Variants in STK24 observed in about 807,000 individuals in gnomAD.
STK24 encodes the protein serine/threonine-protein kinase 24.
In STK24, 21 loss-of-function variants were observed where a neutral mutation model predicts 55.6. The observed-to-expected ratio is 0.38, with a 90% CI of 0.27 to 0.54. STK24 has a LOEUF of 0.54. Among genes scored for constraint, STK24 ranks in the 20% least tolerant of loss-of-function variants. The pLI, the probability that STK24 is intolerant of heterozygous loss-of-function variation, is 0.79. For synonymous variants in STK24, 200 were observed against 215.2 expected (o/e 0.93, Z 0.62); for missense variants, 383 against 538.4 (o/e 0.71, Z 2.86).
chr13:98,535,366 AAAAAAT>A (rs761556225), intron 1 of STK24, among the ~76,000 whole-genome samples: 77 of 39,416 alleles, frequency 2.0e-3, no homozygotes, highest in African/African-American at 3.5e-3. Context: ...ACAAACAAAA[AAAAAAT>A]ATATATATAT....
chr13:98,547,141 T>A (rs1333755260), intron 1 of STK24, among the ~76,000 whole-genome samples: 6 of 152,174 alleles, frequency 3.9e-5, no homozygotes, highest in Non-Finnish European at 8.8e-5. Context: ...CTCGATCTCC[T>A]GACCTCGTGA....
intron 1 of STK24, among the ~76,000 whole-genome samples, chr13:98,531,368 C>G (rs1896575325): frequency 1.3e-5 from 2 of 152,140 alleles, no homozygotes; most frequent in South Asian, 4.2e-4. Context: ...ACCAAGTGCT[C>G]TTTTGTGGGC....
At chr13:98,517,668 C>T (rs75375748) in intron 2 of STK24, among the ~76,000 whole-genome samples, 8 of 152,108 alleles carry the variant, frequency 5.3e-5, no homozygotes, top group African/African-American at 1.9e-4. Flanking sequence ...TGCTGGCATT[C>T]CCCCACGGAA....
rs1892756293 is a variant in STK24, at chr13:98,445,327, C to T, written c.*7846G>A. Reference sequence around the variant, plus strand: ...CTTTGAGTCTCTGCTGGTGATGTCACTTTGGCAAAGGGACGAAATGAGCCA... The same window carrying T: ...CTTTGAGTCTCTGCTGGTGATGTCATTTTGGCAAAGGGACGAAATGAGCCA... On this transcript the variant is annotated 3_prime_UTR_variant, in exon 11 of 11. Coordinates refer to ENST00000539966, the MANE Select transcript of STK24 (RefSeq NM_001032296.4). 6.6e-6 allele frequency: 1 copy of T among 152,304 alleles called. No individual in the cohort carries two copies. The highest frequency in any genetic ancestry group is 1.5e-5 in the Non-Finnish European group (1 of 68,070). 9.4% of individuals were successfully genotyped at this position (152,304 alleles called of 1,614,324 possible).
At chr13:98,495,609 T>A (rs1384702825) in intron 2 of STK24, among the ~76,000 whole-genome samples, 3 of 152,222 alleles carry the variant, frequency 2.0e-5, no homozygotes, top group Non-Finnish European at 4.4e-5. Flanking sequence ...AAACATAAAA[T>A]GAAGCTGCCA....
At chr13:98,558,510 C>T (rs937331175) in intron 1 of STK24, among the ~76,000 whole-genome samples, 1 of 152,182 alleles carries the variant, frequency 6.6e-6, no homozygotes, top group Admixed American at 6.5e-5. Flanking sequence ...AAAGACCAAC[C>T]TAAACTAACT....
chr13:98,446,704 C>T lies in STK24; in HGVS notation c.*6469G>A, dbSNP rs1411592277. ...TTGCCAGCCTGCCTCTGCTCGGCTA[C>T]TCGCTCACCATCCCCTCTGAGTCCG... On this transcript the variant is annotated 3_prime_UTR_variant, in exon 11 of 11. Transcript: ENST00000539966. 6 of 1,614,064 alleles carry T rather than the reference C, an allele frequency of 3.7e-6. No individual in the cohort carries two copies. Among genetic ancestry groups the T allele is most frequent in the South Asian group, 1.1e-5 (1 of 91,090 alleles).
At chr13:98,481,998 T>C (rs1208185494) in intron 3 of STK24, among the ~76,000 whole-genome samples, 1 of 150,240 alleles carries the variant, frequency 6.7e-6, no homozygotes, top group East Asian at 2.0e-4. Flanking sequence ...ACCCAGGAAG[T>C]AGAGGTAGCA....
chr13:98,500,920 GTTC>G (rs770199394), intron 2 of STK24, among the ~76,000 whole-genome samples: 3 of 151,960 alleles, frequency 2.0e-5, no homozygotes, highest in Non-Finnish European at 4.4e-5. Context: ...ACACCTCAAT[GTTC>G]TTAAGTAGCC....
intron 1 of STK24, among the ~76,000 whole-genome samples, chr13:98,538,038 C>T (rs1454345493): frequency 1.3e-5 from 2 of 152,006 alleles, no homozygotes; most frequent in South Asian, 2.1e-4. Flanking sequence ...GTAGCTTCCA[C>T]CCTGGTTTTC....
At position 98,466,663 on chromosome 13, in the gene STK24, T is replaced by C; in HGVS notation, c.598-102A>G. ...AACATGTCTCAATACTTCTGAGGTTTTGAAAAAGGTATTTTTAACTGATAT... is the reference window on the plus strand; with the variant it reads ...AACATGTCTCAATACTTCTGAGGTTCTGAAAAAGGTATTTTTAACTGATAT... On this transcript the variant is annotated intron_variant, in intron 5 of 10. Coordinates refer to ENST00000539966, the MANE Select transcript of STK24 (RefSeq NM_001032296.4). 6 of 1,288,140 alleles carry C rather than the reference T, an allele frequency of 4.7e-6. No homozygotes were observed. In the South Asian group the frequency reaches 9.3e-5, roughly 20 times the overall value. 79.8% of individuals were successfully genotyped at this position (1,288,140 alleles called of 1,614,324 possible).
At chr13:98,566,062 C>T (rs1282293621) in intron 1 of STK24, among the ~76,000 whole-genome samples, 5 of 152,154 alleles carry the variant, frequency 3.3e-5, no homozygotes, top group Non-Finnish European at 5.9e-5. Flanking sequence ...GAAGGCCCAG[C>T]CCCTCCGGCA....
chr13:98,531,798 G>C (rs1447105850), intron 1 of STK24, among the ~76,000 whole-genome samples: 6 of 152,116 alleles, frequency 3.9e-5, no homozygotes, highest in Admixed American at 3.9e-4. Flanking sequence ...ACCCAACGAT[G>C]CCTATCGTCC....
At chr13:98,535,770 C>T (rs1168239694) in intron 1 of STK24, among the ~76,000 whole-genome samples, 1 of 152,220 alleles carries the variant, frequency 6.6e-6, no homozygotes, top group Non-Finnish European at 1.5e-5. Flanking sequence ...ATTCTCTGGA[C>T]TGCAAAGTGC....
At chr13:98,534,941 C>T (rs1261989513) in intron 1 of STK24, among the ~76,000 whole-genome samples, 3 of 152,200 alleles carry the variant, frequency 2.0e-5, no homozygotes. Context: ...TGCAATTCCC[C>T]TGTCTTGATA....
rs776296136 is a variant in STK24, at chr13:98,474,929, A to G, written c.489T>C (p.Phe163=). The G allele has an allele frequency of 1.1e-5, 18 of 1,613,960 alleles. No individual in the cohort carries two copies. Among genetic ancestry groups the G allele is most frequent in the African/African-American group, 2.7e-5 (2 of 74,938 alleles). Reference sequence around the variant, plus strand: ...TGTCTGTCAGCTGGCCAGCCACGCCAAAGTCCGCCAGCTTCACCTCGCCAT... The same window carrying G: ...TGTCTGTCAGCTGGCCAGCCACGCCGAAGTCCGCCAGCTTCACCTCGCCAT... ...SEHGEVKLAD[F]GVAGQLTDTQ... The change falls in exon 5 of 11, where the codon TTT becomes TTC. Residue 163 remains phenylalanine, a synonymous_variant. Transcript: ENST00000539966.
intron 2 of STK24, 96 bp from the exon 3 acceptor site, chr13:98,482,417 C>T: frequency 3.0e-6 from 2 of 677,464 alleles, no homozygotes; most frequent in Non-Finnish European, 5.0e-6. Flanking sequence ...TATATTGGAA[C>T]TAGAAAGTTT....
rs182486506 is a variant in STK24 at position 98,528,314 on chromosome 13, T to C, written c.43-8841A>G. On this transcript the variant is annotated intron_variant, in intron 1 of 10. Coordinates refer to ENST00000539966, the MANE Select transcript of STK24 (RefSeq NM_001032296.4). ...TATCTTCTGATTTACAGACTGATTC[T>C]GCGCTCAATGAGAACGCCAGAAGGT... 3.6e-4 allele frequency among the ~76,000 whole-genome samples: 55 copies of C among 152,338 alleles called. No homozygotes were observed. The East Asian group carries it at 0.011, about 29-fold the overall frequency.
intron 1 of STK24, among the ~76,000 whole-genome samples, chr13:98,533,696 TA>T (rs1244551667): frequency 6.6e-6 from 1 of 151,898 alleles, no homozygotes; most frequent in African/African-American, 2.4e-5. Flanking sequence ...TGAAAAGTAT[TA>T]AAAATGAGAA....
Sources: gnomAD v4.1 joint callset for allele counts (sites outside exome capture counted in the v4.1 genomes callset) on GRCh38, gnomAD v4.1.1 for gene constraint, MANE v1.5 for transcripts, NCBI Gene and HGNC (gene_info 2026-07-23, HGNC 2026-07-21) for gene names.